PPP4R4: variants seen among roughly 807,000 people sequenced by gnomAD.
The protein encoded by PPP4R4 is protein phosphatase 4 regulatory subunit 4.
In PPP4R4, 70 loss-of-function variants were observed where a neutral mutation model predicts 121.8. That is an observed-to-expected ratio of 0.57 (90% CI 0.47 to 0.70). The LOEUF is 0.70. PPP4R4 is among the 30% of genes least tolerant of loss of function. The probability of loss-of-function intolerance (pLI) is 0.00; values close to 1 mark genes in which losing one functional copy is unlikely to be tolerated. For synonymous variants in PPP4R4, 348 were observed against 355.7 expected, an observed-to-expected ratio of 0.98 and a Z score of 0.24; for missense variants, 875 against 1,033.6, an observed-to-expected ratio of 0.85 and a Z score of 2.10.
intron 3 of PPP4R4, 71 bp from the exon 4 acceptor site, chr14:94,230,516 C>A: frequency 7.1e-7 from 1 of 1,409,660 alleles, no homozygotes; most frequent in Non-Finnish European, 9.7e-7. Flanking sequence ...TTTCTACAAC[C>A]TTGGATTTTT....
At chr14:94,258,663 G>A in intron 17 of PPP4R4, 120 bp from the exon 18 acceptor site, 1 of 696,682 alleles carries the variant, frequency 1.4e-6, no homozygotes, top group Non-Finnish European at 2.5e-6. Context: ...TTCTGACTTA[G>A]TCTTCCCCCT....
At chr14:94,276,078 T>G (rs180727526) in intron 24 of PPP4R4, among the ~76,000 whole-genome samples, 188 of 152,276 alleles carry the variant, frequency 1.2e-3, no homozygotes, top group African/African-American at 4.3e-3. Context: ...GTCTTTCTTT[T>G]ACCTTAAATA....
intron 22 of PPP4R4, among the ~76,000 whole-genome samples, chr14:94,266,227 G>A (rs545539734): frequency 2.0e-5 from 3 of 152,166 alleles, no homozygotes; most frequent in Admixed American, 2.0e-4. Context: ...TTATCTAAAT[G>A]TATATAGACA....
rs773818582 is a variant in PPP4R4, at chr14:94,237,654, C to T, written c.821C>T (p.Thr274Ile). Residue 274 changes from threonine (T) to isoleucine (I), a missense_variant, in exon 8 of 25, where the codon ACT becomes ATT. Physicochemically the swap from Thr to Ile is moderately conservative, Grantham distance 89. Transcript: ENST00000304338. The part of the protein sequence containing the change: ...GSSVRLAAFE[T>I]LVNLLDIFDT... ...AGTGTACGACTTGCAGCTTTTGAAA[C>T]TTTGGTTAATCTGCTTGATATATTT... 6.2e-7 allele frequency: 1 copy of T among 1,612,056 alleles called. No homozygotes were observed. The highest frequency in any genetic ancestry group is 1.1e-5 in the South Asian group (1 of 91,018).
chr14:94,213,985 G>C (rs901670522), intron 3 of PPP4R4, among the ~76,000 whole-genome samples: 4 of 152,102 alleles, frequency 2.6e-5, no homozygotes, highest in Non-Finnish European at 5.9e-5. Flanking sequence ...CTACCTTTGT[G>C]ACCTCATCAT....
At chr14:94,178,218 AT>A in intron 2 of PPP4R4, among the ~76,000 whole-genome samples, 1 of 152,038 alleles carries the variant, frequency 6.6e-6, no homozygotes. Flanking sequence ...TGTAGATGTA[AT>A]TTATTCCTTT....
chr14:94,241,174 G>C (rs1223823945), intron 9 of PPP4R4, among the ~76,000 whole-genome samples: 1 of 151,962 alleles, frequency 6.6e-6, no homozygotes, highest in Non-Finnish European at 1.5e-5. Flanking sequence ...GTTCAGCTTG[G>C]GATGTAGAAT....
chr14:94,267,571 A>G (rs1025674647), intron 23 of PPP4R4, among the ~76,000 whole-genome samples: 3 of 152,176 alleles, frequency 2.0e-5, no homozygotes, highest in Non-Finnish European at 4.4e-5. Context: ...TTTATCTACA[A>G]AAACAGGCAG....
chr14:94,268,837 C>T (rs1183231411), intron 23 of PPP4R4, among the ~76,000 whole-genome samples: 2 of 152,072 alleles, frequency 1.3e-5, no homozygotes, highest in African/African-American at 4.8e-5. Context: ...CCCACCGGGT[C>T]CCTCCCACAA....
In PPP4R4 at chr14:94,267,036, A is replaced by G. The variant is rs1417795254; in HGVS notation, c.2449+7A>G. ...TCTGTGCTTTCACTAGCTGGTAAGT[A>G]GCAATCTAAGTTCTTCAAAAAGTTG... On this transcript the variant is annotated splice_region_variant and intron_variant, in intron 23 of 24. Transcript: ENST00000304338. The G allele has an allele frequency of 6.4e-6, 10 of 1,566,736 alleles. No individual in the cohort carries two copies. The highest frequency in any genetic ancestry group is 8.7e-6 in the Non-Finnish European group (10 of 1,143,288).
In PPP4R4 at chr14:94,208,469, G is replaced by C. The variant is rs1302824942; in HGVS notation, c.197G>C (p.Gly66Ala). The part of the protein sequence containing the change: ...IERAVYLLSA[G>A]QDVQGTSVIA... ...ATTTGTGTTTTCTTTGTAAGTGCTG[G>C]TCAAGATGTCCAAGGAACAAGTGTG... The change falls in exon 3 of 25, where the codon GGT becomes GCT. Residue 66 changes from glycine to alanine, a missense_variant. Physicochemically the swap from Gly to Ala is moderately conservative, Grantham distance 60 (BLOSUM62 0). Coordinates refer to ENST00000304338, the MANE Select transcript of PPP4R4 (RefSeq NM_058237.2). 6.2e-7 allele frequency: 1 copy of C among 1,604,396 alleles called. No homozygotes were observed. Among genetic ancestry groups the C allele is most frequent in the Non-Finnish European group, 8.5e-7 (1 of 1,172,670 alleles).
chr14:94,183,274 G>A (rs891786180), intron 2 of PPP4R4, among the ~76,000 whole-genome samples: 9 of 152,072 alleles, frequency 5.9e-5, no homozygotes, highest in African/African-American at 2.2e-4. Context: ...AATTGCCCAC[G>A]TTGTCATCCT....
At chr14:94,255,324 C>T (rs1174357764) in intron 16 of PPP4R4, among the ~76,000 whole-genome samples, 1 of 152,018 alleles carries the variant, frequency 6.6e-6, no homozygotes, top group Non-Finnish European at 1.5e-5. Context: ...CCGGACTGGG[C>T]GCGGTGGCTC....
chr14:94,276,188 T>C (rs974463653), intron 24 of PPP4R4, among the ~76,000 whole-genome samples: 5 of 152,234 alleles, frequency 3.3e-5, no homozygotes, highest in African/African-American at 1.2e-4. Flanking sequence ...AAGTTAGCCA[T>C]TTCATATAGG....
rs144434243 is a variant in PPP4R4 at position 94,230,624 on chromosome 14, C to T, written c.332C>T (p.Thr111Met). 43 of 1,612,838 alleles carry T rather than the reference C, an allele frequency of 2.7e-5. No individual in the cohort carries two copies. The African/African-American group carries it at 2.7e-4, about 10-fold the overall frequency. ...LHVAGVEMQL[T>M]AAMSFLTILQ... ...GTTGCAGGAGTGGAAATGCAGTTAA[C>T]GGCTGCGATGTCATTTCTGACCATT... Residue 111 changes from threonine (T) to methionine (M), a missense_variant, in exon 4 of 25, where the codon ACG (threonine) becomes ATG (methionine). Transcript: ENST00000304338.
intron 3 of PPP4R4, among the ~76,000 whole-genome samples, chr14:94,216,619 G>A (rs1194817994): frequency 2.0e-5 from 3 of 152,184 alleles, no homozygotes; most frequent in Non-Finnish European, 4.4e-5. Context: ...GTGTGGTGGT[G>A]ATGAGCTGTT....
chr14:94,242,859 ATAAAG>A (rs1305492993), intron 11 of PPP4R4, among the ~76,000 whole-genome samples: 2 of 152,196 alleles, frequency 1.3e-5, no homozygotes, highest in Non-Finnish European at 2.9e-5. Flanking sequence ...TATTATGACT[ATAAAG>A]TAAGAGCAAA....
Position 94,278,899 on chromosome 14 carries a change from G to A in PPP4R4, c.*256G>A, listed in dbSNP as rs1894789312. The A allele has an allele frequency of 3.9e-6, 1 of 259,452 alleles. No homozygotes were observed. Among genetic ancestry groups the A allele is most frequent in the Non-Finnish European group, 7.2e-6 (1 of 138,116 alleles). The allele number at this position is 259,452 out of a possible 1,614,324, so 16.1% of individuals were successfully genotyped here. A position where few individuals can be genotyped will look rare whatever the true frequency, so the allele number is the denominator to read the frequency against. On this transcript the variant is annotated 3_prime_UTR_variant, in exon 25 of 25. Transcript: ENST00000304338. ...CGGAATTCCAATGTTATAGTGAAGT[G>A]TAATGAAAAACATCTCTAGGAATGT...
At chr14:94,213,108 A>G (rs1226057307) in intron 3 of PPP4R4, among the ~76,000 whole-genome samples, 1 of 152,242 alleles carries the variant, frequency 6.6e-6, no homozygotes, top group Non-Finnish European at 1.5e-5. Context: ...CAGTTCTATA[A>G]TGATCACTTG....
Sources: allele counts gnomAD v4.1 joint callset (sites outside exome capture counted in the v4.1 genomes callset), GRCh38; gene constraint gnomAD v4.1.1; transcripts MANE v1.5; gene names NCBI Gene and HGNC (gene_info 2026-07-23, HGNC 2026-07-21).